ELOVL7: variants seen among roughly 807,000 people sequenced by gnomAD.
ELOVL7 encodes the protein very long chain fatty acid elongase 7.
Under a neutral mutation model 35.7 loss-of-function variants are expected in ELOVL7, and 27 were observed. That is an observed-to-expected ratio of 0.76 (90% CI 0.56 to 1.04). ELOVL7 has a LOEUF of 1.04. Ranked by LOEUF, ELOVL7 falls within the 50% of genes least tolerant of loss-of-function variation. The probability of loss-of-function intolerance (pLI) is 0.00; values close to 1 mark genes in which losing one functional copy is unlikely to be tolerated. For synonymous variants in ELOVL7, 113 were observed against 114.6 expected (o/e 0.99, Z 0.09); for missense variants, 327 against 340.8 (o/e 0.96, Z 0.32).
chr5:60,772,935 G>A (rs1020099360), intron 3 of ELOVL7, among the ~76,000 whole-genome samples: 1 of 152,120 alleles, frequency 6.6e-6, no homozygotes, highest in African/African-American at 2.4e-5. Flanking sequence ...CTGTATCACA[G>A]GATCACAGAA....
intron 2 of ELOVL7, among the ~76,000 whole-genome samples, chr5:60,792,766 G>A (rs573107130): frequency 2.6e-5 from 4 of 152,318 alleles, no homozygotes; most frequent in African/African-American, 9.6e-5. Context: ...AGCAGAACCA[G>A]GACCCGAAAA....
At chr5:60,811,612 C>T (rs1259960203) in intron 1 of ELOVL7, among the ~76,000 whole-genome samples, 2 of 152,094 alleles carry the variant, frequency 1.3e-5, no homozygotes, top group Non-Finnish European at 2.9e-5. Flanking sequence ...TATGGATTAA[C>T]GGGTTATTGA....
In ELOVL7 at chr5:60,754,328, A is replaced by G. The variant is rs967022232; in HGVS notation, c.*296T>C. 2.8e-6 allele frequency: 1 copy of G among 356,150 alleles called. No homozygotes were observed. Among genetic ancestry groups the G allele is most frequent in the Non-Finnish European group, 5.2e-6 (1 of 191,480 alleles). 22.1% of individuals were successfully genotyped at this position (356,150 alleles called of 1,614,324 possible). On this transcript the variant is annotated 3_prime_UTR_variant, in exon 9 of 9. Transcript: ENST00000508821. The stretch of plus-strand genomic sequence containing the variant: ...TCTTTGAAGAGTACTGTATTGCTTC[A>G]TATCTTTTTTTCACTGCAACAAAAT...
chr5:60,754,831 G>C lies in ELOVL7; in HGVS notation c.639C>G (p.Val213=). The part of the protein sequence containing the change: ...WKKYLTSLQL[V]QFVIVAIHIS... ...TGTGGATGGCGACAATAACAAACTG[G>C]ACCTAAGAAATGAAAACGTGAAAAA... The change falls in exon 9 of 9, where the codon GTC becomes GTG. Residue 213 remains valine (V), a splice_region_variant and synonymous_variant. Coordinates refer to ENST00000508821, the MANE Select transcript of ELOVL7 (RefSeq NM_024930.3). 6.2e-7 allele frequency: 1 copy of C among 1,612,630 alleles called. No homozygotes were observed. Among genetic ancestry groups the C allele is most frequent in the Non-Finnish European group, 8.5e-7 (1 of 1,179,470 alleles).
intron 1 of ELOVL7, among the ~76,000 whole-genome samples, chr5:60,828,663 T>A (rs571838582): frequency 6.6e-6 from 1 of 152,244 alleles, no homozygotes; most frequent in South Asian, 2.1e-4. Context: ...ATTTAAACCA[T>A]GAGAATAAAG....
intron 4 of ELOVL7, among the ~76,000 whole-genome samples, chr5:60,769,681 T>C (rs1742456117): frequency 6.6e-6 from 1 of 152,198 alleles, no homozygotes; most frequent in African/African-American, 2.4e-5. Flanking sequence ...TTTGTTTAAA[T>C]AGAGTAGAAA....
intron 4 of ELOVL7, 38 bp downstream of exon 4, chr5:60,771,865 G>T (rs1276531887): frequency 6.9e-7 from 1 of 1,440,030 alleles, no homozygotes; most frequent in South Asian, 1.3e-5. Context: ...GAAAAACTCA[G>T]GCAAAATTCT....
chr5:60,811,908 G>A (rs1478136770), intron 1 of ELOVL7, among the ~76,000 whole-genome samples: 1 of 152,030 alleles, frequency 6.6e-6, no homozygotes, highest in Non-Finnish European at 1.5e-5. Context: ...ATAAATTATA[G>A]AAAAAAACAT....
rs1399192362 is a variant in ELOVL7, at chr5:60,771,982, C to A, written c.176G>T (p.Arg59Leu). 6.2e-7 allele frequency: 1 copy of A among 1,613,826 alleles called. No individual in the cohort carries two copies. Among genetic ancestry groups the A allele is most frequent in the East Asian group, 2.2e-5 (1 of 44,856 alleles). The part of the protein sequence containing the change: ...TSLGPKLMEN[R>L]KPFELKKAMI... ...TGCTTTCTTGAGTTCAAAGGGCTTG[C>A]GATTTTCCATGAGCTTTGGTCCCAA... Residue 59 changes from arginine to leucine, a missense_variant, in exon 4 of 9, where the codon CGC (arginine) becomes CTC (leucine). Physicochemically the swap from Arg to Leu is moderately radical, Grantham distance 102. Coordinates refer to ENST00000508821, the MANE Select transcript of ELOVL7 (RefSeq NM_024930.3).
At chr5:60,780,230 C>T (rs1743161444) in intron 3 of ELOVL7, among the ~76,000 whole-genome samples, 1 of 151,440 alleles carries the variant, frequency 6.6e-6, no homozygotes, top group Non-Finnish European at 1.5e-5. Context: ...AGTGATTCTC[C>T]TGCCTAAGTC....
chr5:60,771,270 G>A (rs752174457), intron 4 of ELOVL7, among the ~76,000 whole-genome samples: 1 of 152,164 alleles, frequency 6.6e-6, no homozygotes, highest in Non-Finnish European at 1.5e-5. Context: ...GGGGAAGAGA[G>A]AGAATTCATG....
In ELOVL7 at chr5:60,771,896, C is replaced by T. The variant is rs1419499309; in HGVS notation, c.255+7G>A. 1 of 1,575,710 alleles carries T rather than the reference C, an allele frequency of 6.3e-7. No homozygotes were observed. Among genetic ancestry groups the T allele is most frequent in the Non-Finnish European group, 8.6e-7 (1 of 1,156,480 alleles). ...ATTCTCCCATTAGGAATACTGAAGA[C>T]ACTTGCCTCATAACACATATACACA... On this transcript the variant is annotated splice_region_variant and intron_variant, in intron 4 of 8. Transcript: ENST00000508821.
In ELOVL7 at chr5:60,753,995, G is replaced by T. The variant is rs975152296; in HGVS notation, c.*629C>A. Reference sequence around the variant, plus strand: ...TTTGAAACAGTTTGTACAACAAATGGGTTGTGAGGAAGTCTTATCAGCAAA... The same window carrying T: ...TTTGAAACAGTTTGTACAACAAATGTGTTGTGAGGAAGTCTTATCAGCAAA... On this transcript the variant is annotated 3_prime_UTR_variant, in exon 9 of 9. Coordinates refer to ENST00000508821, the MANE Select transcript of ELOVL7 (RefSeq NM_024930.3). The T allele has an allele frequency of 2.6e-5, 4 of 152,440 alleles. No homozygotes were observed. The highest frequency in any genetic ancestry group is 9.6e-5 in the African/African-American group (4 of 41,554). 9.4% of individuals were successfully genotyped at this position (152,440 alleles called of 1,614,324 possible).
At chr5:60,817,576 T>A (rs1009735130) in intron 1 of ELOVL7, among the ~76,000 whole-genome samples, 7 of 147,546 alleles carry the variant, frequency 4.7e-5, no homozygotes, top group African/African-American at 1.7e-4. Flanking sequence ...TATATATGTG[T>A]ATATATATAT....
At chr5:60,806,298 CAGCTGTAGCAAA>C (rs1220044264) in intron 1 of ELOVL7, among the ~76,000 whole-genome samples, 1 of 152,170 alleles carries the variant, frequency 6.6e-6, no homozygotes, top group African/African-American at 2.4e-5. Context: ...TTTATTACAG[CAGCTGTAGCAAA>C]CTAATACACC....
rs1422428805 is a variant in ELOVL7, at chr5:60,844,182, C to A, written c.-108G>T. The stretch of plus-strand genomic sequence containing the variant: ...CACCGCACAGGGAGCGGAGCCGAAG[C>A]GCCGGGCGCGCGCGGGAGAGAGGGC... On this transcript the variant is annotated 5_prime_UTR_variant, in exon 1 of 9. Transcript: ENST00000508821. 3 of 151,884 alleles carry A rather than the reference C, an allele frequency of 2.0e-5. No individual in the cohort carries two copies. The highest frequency in any genetic ancestry group is 4.4e-5 in the Non-Finnish European group (3 of 68,018). 9.4% of individuals were successfully genotyped at this position (151,884 alleles called of 1,614,324 possible).
chr5:60,821,497 A>G (rs1389284623), intron 1 of ELOVL7, among the ~76,000 whole-genome samples: 1 of 152,124 alleles, frequency 6.6e-6, no homozygotes, highest in Non-Finnish European at 1.5e-5. Context: ...TCTCTTCATG[A>G]CTAAAAATCC....
chr5:60,833,656 G>A (rs973509773), intron 1 of ELOVL7, among the ~76,000 whole-genome samples: 1 of 152,286 alleles, frequency 6.6e-6, no homozygotes, highest in African/African-American at 2.4e-5. Flanking sequence ...CATGAGCACT[G>A]GAGTTCAGAC....
intron 3 of ELOVL7, among the ~76,000 whole-genome samples, chr5:60,780,231 T>C (rs992854514): frequency 6.6e-6 from 1 of 151,454 alleles, no homozygotes; most frequent in African/African-American, 2.4e-5. Context: ...GTGATTCTCC[T>C]GCCTAAGTCT....
Sources: allele counts gnomAD v4.1 joint callset (sites outside exome capture counted in the v4.1 genomes callset), GRCh38; gene constraint gnomAD v4.1.1; transcripts MANE v1.5; gene names NCBI Gene and HGNC (gene_info 2026-07-23, HGNC 2026-07-21).